The following GALNT13 variants were observed in gnomAD, a reference collection of about 807,000 sequenced individuals.
GALNT13 encodes polypeptide N-acetylgalactosaminyltransferase 13, also known as UDP-GalNAc:polypeptide N-acetylgalactosaminyltransferase 13.
In GALNT13, 28 loss-of-function variants were observed where a neutral mutation model predicts 64.2. The ratio of observed to expected loss-of-function variants is 0.44; its 90% CI spans 0.32 to 0.60. The LOEUF (loss-of-function observed/expected upper bound fraction) is 0.60. GALNT13 is among the 20% of genes least tolerant of loss of function. The probability of loss-of-function intolerance (pLI) is 0.05; values close to 1 mark genes in which losing one functional copy is unlikely to be tolerated. For missense variants in GALNT13, 577 were observed against 669.8 expected (o/e 0.86, Z 1.53); for synonymous variants, 214 against 224.6 (o/e 0.95, Z 0.42).
the GALNT13 span, among the ~76,000 whole-genome samples, chr2:153,116,794 CTT>C: frequency 9.3e-4 from 77 of 82,462 alleles, no homozygotes; most frequent in African/African-American, 3.3e-3. Context: ...GTGTTGTCTT[CTT>C]TTTTTTTTTT....
the GALNT13 span, among the ~76,000 whole-genome samples, chr2:153,590,907 T>G: frequency 6.6e-6 from 1 of 152,016 alleles, no homozygotes; most frequent in African/African-American, 2.4e-5. Context: ...GAAACTGGAA[T>G]GAGATAAGGA....
At chr2:153,670,166 C>T in the GALNT13 span, among the ~76,000 whole-genome samples, 1 of 152,168 alleles carries the variant, frequency 6.6e-6, no homozygotes, top group Non-Finnish European at 1.5e-5. Context: ...AACTTCCCTG[C>T]CTGACAGCCC....
At chr2:153,517,673 C>T in the GALNT13 span, among the ~76,000 whole-genome samples, 2 of 152,044 alleles carry the variant, frequency 1.3e-5, no homozygotes, top group Admixed American at 6.6e-5. Context: ...ATAGCTCTTC[C>T]TCACAGTAGA....
intron 3 of GALNT13, among the ~76,000 whole-genome samples, chr2:154,091,592 TGTTA>T (rs1236450875): frequency 2.0e-5 from 3 of 152,022 alleles, no homozygotes; most frequent in South Asian, 2.1e-4. Flanking sequence ...TGTATGCCTT[TGTTA>T]GTTCTAAACA....
At chr2:154,134,901 G>T (rs551161206) in intron 3 of GALNT13, among the ~76,000 whole-genome samples, 6 of 152,248 alleles carry the variant, frequency 3.9e-5, no homozygotes, top group East Asian at 3.9e-4. Context: ...CACAAGAATC[G>T]CTTGAACCCA....
chr2:153,927,523 A>C (rs1394341912), intron 2 of GALNT13, among the ~76,000 whole-genome samples: 1 of 151,980 alleles, frequency 6.6e-6, no homozygotes, highest in Non-Finnish European at 1.5e-5. Flanking sequence ...CCATTATATT[A>C]GTTGCTTTAT....
the GALNT13 span, among the ~76,000 whole-genome samples, chr2:153,408,754 A>T: frequency 6.6e-6 from 1 of 151,918 alleles, no homozygotes; most frequent in Non-Finnish European, 1.5e-5. Flanking sequence ...TAATTAGCCT[A>T]TTGTGATGGT....
At chr2:154,431,838 T>A (rs1290170881) in intron 11 of GALNT13, among the ~76,000 whole-genome samples, 1 of 152,182 alleles carries the variant, frequency 6.6e-6, no homozygotes, top group Non-Finnish European at 1.5e-5. Context: ...CTGCACACGC[T>A]CTCTTGCCTG....
intron 9 of GALNT13, among the ~76,000 whole-genome samples, chr2:154,312,431 G>T (rs1225805997): frequency 6.6e-6 from 1 of 151,988 alleles, no homozygotes; most frequent in Middle Eastern, 3.2e-3. Flanking sequence ...TTATTCGTAT[G>T]CTTTGTTCAT....
intron 3 of GALNT13, among the ~76,000 whole-genome samples, chr2:154,041,366 G>C (rs150317543): frequency 2.1e-5 from 3 of 140,434 alleles, no homozygotes; most frequent in African/African-American, 7.3e-5. Flanking sequence ...TTTAGAGAGA[G>C]AAAATCTCTT....
At chr2:153,403,518 T>C in the GALNT13 span, among the ~76,000 whole-genome samples, 14 of 152,080 alleles carry the variant, frequency 9.2e-5, 1 homozygote, top group African/African-American at 3.4e-4. Flanking sequence ...CGGGCGCCCC[T>C]CCCCCAGCCT....
chr2:154,394,742 A>G (rs1385036564), intron 9 of GALNT13, among the ~76,000 whole-genome samples: 1 of 152,198 alleles, frequency 6.6e-6, no homozygotes, highest in Non-Finnish European at 1.5e-5. Flanking sequence ...TCGAAAGCAA[A>G]TATTTATCTG....
intron 2 of GALNT13, among the ~76,000 whole-genome samples, chr2:153,931,249 A>G (rs1177300056): frequency 1.3e-5 from 2 of 150,852 alleles, no homozygotes; most frequent in Admixed American, 6.7e-5. Context: ...CTTTTAGCAG[A>G]GACTGTAGGG....
the GALNT13 span, among the ~76,000 whole-genome samples, chr2:153,510,215 C>T: frequency 1.3e-5 from 2 of 152,306 alleles, no homozygotes; most frequent in South Asian, 2.1e-4. Context: ...CATCTCTCCA[C>T]CCAAATCCGA....
At chr2:153,082,571 GTTTATATATATA>G in the GALNT13 span, among the ~76,000 whole-genome samples, 5 of 50,168 alleles carry the variant, frequency 1.0e-4, no homozygotes, top group South Asian at 4.1e-3. Context: ...ATTTAGGCTG[GTTTATATATATA>G]TATATATATA....
At chr2:153,411,500 T>C in the GALNT13 span, among the ~76,000 whole-genome samples, 1 of 152,140 alleles carries the variant, frequency 6.6e-6, no homozygotes, top group African/African-American at 2.4e-5. Flanking sequence ...TGGGGGAAGA[T>C]GTATGCATGA....
the GALNT13 span, among the ~76,000 whole-genome samples, chr2:153,296,293 C>A: frequency 6.6e-6 from 1 of 152,158 alleles, no homozygotes; most frequent in African/African-American, 2.4e-5. Context: ...TGGAGAATTT[C>A]TGTTTCCAAA....
chr2:153,884,785 A>ATATATATATATATATGTG (rs1450308010), intron 1 of GALNT13, among the ~76,000 whole-genome samples: 11 of 122,502 alleles, frequency 9.0e-5, no homozygotes, highest in African/African-American at 3.5e-4. Flanking sequence ...ATATATATAT[A>ATATATATATATATATGTG]TGTGTGTGTA....
chr2:153,862,616 CTTT>C, the GALNT13 span, among the ~76,000 whole-genome samples: 1 of 151,780 alleles, frequency 6.6e-6, no homozygotes, highest in Non-Finnish European at 1.5e-5. Context: ...ACAATTTTTC[CTTT>C]TTTATGTGTT....
Sources: gnomAD v4.1 joint callset for allele counts (sites outside exome capture counted in the v4.1 genomes callset) on GRCh38, gnomAD v4.1.1 for gene constraint, MANE v1.5 for transcripts, NCBI Gene and HGNC (gene_info 2026-07-23, HGNC 2026-07-21) for gene names.